Variants in SLC27A2 observed in about 807,000 individuals in gnomAD.
SLC27A2 encodes long-chain fatty acid transport protein 2.
SLC27A2 carries 54 observed loss-of-function variants against 60.0 expected under a neutral mutation model. The ratio of observed to expected loss-of-function variants is 0.90; its 90% CI spans 0.72 to 1.13. SLC27A2 has a LOEUF of 1.13. Among genes scored for constraint, SLC27A2 ranks in the 50% most tolerant of loss-of-function variants. The pLI is 0.00. For missense variants in SLC27A2, 739 were observed against 777.6 expected, an observed-to-expected ratio of 0.95 and a Z score of 0.59; for synonymous variants, 297 against 297.6, an observed-to-expected ratio of 1.00 and a Z score of 0.02.
At position 50,197,520 on chromosome 15, in the gene SLC27A2, G is replaced by C. The variant is rs1480371339; in HGVS notation, c.499G>C (p.Glu167Gln). Reference sequence around the variant, plus strand: ...TTAAGAACTACAAGCAGCTGTCGAAGAGATACTGCCAAGCCTTAAAAAAGA... The same window carrying C: ...TTAAGAACTACAAGCAGCTGTCGAACAGATACTGCCAAGCCTTAAAAAAGA... ...VSPELQAAVE[E>Q]ILPSLKKDDV... Residue 167 changes from glutamate (E) to glutamine (Q), a missense_variant, in exon 2 of 10, where the codon GAG becomes CAG. Transcript: ENST00000267842. The C allele has an allele frequency of 6.2e-7, 1 of 1,613,638 alleles. No individual in the cohort carries two copies. The highest frequency in any genetic ancestry group is 1.3e-5 in the African/African-American group (1 of 74,904).
At position 50,182,299 on chromosome 15, in the gene SLC27A2, C is replaced by A; in HGVS notation, c.-129C>A. ...GCTCTGTCTTCCCCTTCATCTCACG[C>A]GAGCCCGGCGTCCCGCCGCGTGCGC... On this transcript the variant is annotated 5_prime_UTR_variant, in exon 1 of 10. Coordinates refer to ENST00000267842, the MANE Select transcript of SLC27A2 (RefSeq NM_003645.4). 1 of 1,304,876 alleles carries A rather than the reference C, an allele frequency of 7.7e-7. No individual in the cohort carries two copies. The allele number at this position is 1,304,876 out of a possible 1,614,324, so 80.8% of individuals were successfully genotyped here. A position where few individuals can be genotyped will look rare whatever the true frequency, so the allele number is the denominator to read the frequency against.
At chr15:50,205,539 G>C (rs1462749476) in intron 4 of SLC27A2, among the ~76,000 whole-genome samples, 176 bp downstream of exon 4, 1 of 152,032 alleles carries the variant, frequency 6.6e-6, no homozygotes, top group African/African-American at 2.4e-5. Flanking sequence ...TTAGTAGGTG[G>C]GAGTTAATAT....
At chr15:50,185,431 G>T (rs779009907) in intron 1 of SLC27A2, among the ~76,000 whole-genome samples, 1 of 152,070 alleles carries the variant, frequency 6.6e-6, no homozygotes, top group African/African-American at 2.4e-5. Flanking sequence ...TCACAGAGTT[G>T]CATGTTTACT....
chr15:50,225,778 T>C (rs901566273), intron 5 of SLC27A2, among the ~76,000 whole-genome samples: 4 of 152,186 alleles, frequency 2.6e-5, no homozygotes, highest in African/African-American at 9.7e-5. Context: ...TAAGTCAGAA[T>C]AGTAGTTAAC....
intron 9 of SLC27A2, 64 bp from the exon 10 acceptor site, chr15:50,235,856 C>T: frequency 7.3e-7 from 1 of 1,373,628 alleles, no homozygotes; most frequent in Admixed American, 1.9e-5. Context: ...ACCCCTACCC[C>T]TTGCTCTGCA....
intron 4 of SLC27A2, among the ~76,000 whole-genome samples, chr15:50,216,287 A>G (rs1339227490): frequency 6.6e-6 from 1 of 152,098 alleles, no homozygotes; most frequent in Non-Finnish European, 1.5e-5. Flanking sequence ...GAATGGCCAT[A>G]ATCAAAAAAA....
chr15:50,234,258 C>A (rs1007373793), intron 9 of SLC27A2, among the ~76,000 whole-genome samples: 1 of 151,988 alleles, frequency 6.6e-6, no homozygotes, highest in Non-Finnish European at 1.5e-5. Context: ...CCAGCCTAGG[C>A]AACGTAGTGA....
chr15:50,193,798 G>T (rs191291853), intron 1 of SLC27A2, among the ~76,000 whole-genome samples: 1 of 151,982 alleles, frequency 6.6e-6, no homozygotes, highest in East Asian at 1.9e-4. Context: ...AGTTCTGGGG[G>T]TACAAAGATG....
At chr15:50,217,926 C>T (rs1247967943) in intron 4 of SLC27A2, among the ~76,000 whole-genome samples, 10 of 151,688 alleles carry the variant, frequency 6.6e-5, no homozygotes, top group African/African-American at 1.2e-4. Context: ...CGGTGGTGGG[C>T]GCCAGTAATC....
intron 1 of SLC27A2, among the ~76,000 whole-genome samples, chr15:50,193,460 T>C (rs766149595): frequency 1.3e-5 from 2 of 152,166 alleles, no homozygotes. Context: ...AGGGAGGGAA[T>C]GAGAATGGAT....
intron 7 of SLC27A2, 80 bp downstream of exon 7, chr15:50,227,258 T>G: frequency 4.7e-6 from 5 of 1,054,480 alleles, no homozygotes; most frequent in Non-Finnish European, 5.8e-6. Context: ...CATTCCACTT[T>G]GGTTATGGTG....
rs1013500224 is a variant in SLC27A2, at chr15:50,236,006, C to T, written c.1773C>T (p.Ala591=). The T allele has an allele frequency of 3.1e-6, 5 of 1,613,862 alleles. No individual in the cohort carries two copies. The African/African-American group carries it at 4.0e-5, about 13-fold the overall frequency. Residue 591 remains alanine, a synonymous_variant, in exon 10 of 10, where the codon GCC becomes GCT. Coordinates refer to ENST00000267842, the MANE Select transcript of SLC27A2 (RefSeq NM_003645.4). ...EGFNPAVIKD[A]LYFLDDTAKM... is the part of the protein sequence containing the mutation. ...TTAACCCTGCTGTCATCAAAGATGC[C>T]TTGTATTTCTTGGATGACACAGCAA... is the stretch of plus-strand genomic sequence containing the variant.
At chr15:50,221,582 G>A (rs1291409376) in intron 4 of SLC27A2, among the ~76,000 whole-genome samples, 1 of 152,174 alleles carries the variant, frequency 6.6e-6, no homozygotes, top group African/African-American at 2.4e-5. Flanking sequence ...CCCTTATAGT[G>A]CTTTTCAAAG....
At chr15:50,235,687 G>A (rs1169845833) in intron 9 of SLC27A2, among the ~76,000 whole-genome samples, 1 of 152,176 alleles carries the variant, frequency 6.6e-6, no homozygotes, top group South Asian at 2.1e-4. Flanking sequence ...ATTCCACGAT[G>A]TATATGTACT....
chr15:50,225,976 T>G lies in SLC27A2; in HGVS notation c.1168-12T>G, dbSNP rs1441545431. On this transcript the variant is annotated splice_polypyrimidine_tract_variant and intron_variant, in intron 5 of 9. Coordinates refer to ENST00000267842, the MANE Select transcript of SLC27A2 (RefSeq NM_003645.4). ...AAAAGATTTATACTCAAAATTATTT[T>G]AATCTTGCTAGAAAATCATAACTTA... 6.6e-7 allele frequency: 1 copy of G among 1,506,204 alleles called. No homozygotes were observed. 93.3% of individuals were successfully genotyped at this position (1,506,204 alleles called of 1,614,324 possible). A position where few individuals can be genotyped will look rare whatever the true frequency, so the allele number is the denominator to read the frequency against.
chr15:50,208,191 G>T (rs1012443816), intron 4 of SLC27A2, among the ~76,000 whole-genome samples: 15 of 152,166 alleles, frequency 9.9e-5, no homozygotes, highest in African/African-American at 3.6e-4. Flanking sequence ...AGGAGAATCT[G>T]GGGCCAGTGT....
Position 50,205,222 on chromosome 15 carries a change from C to A in SLC27A2, c.848-17C>A. The A allele has an allele frequency of 6.3e-7, 1 of 1,589,520 alleles. No individual in the cohort carries two copies. The highest frequency in any genetic ancestry group is 8.6e-7 in the Non-Finnish European group (1 of 1,163,960). On this transcript the variant is annotated splice_polypyrimidine_tract_variant and intron_variant, in intron 3 of 9. Transcript: ENST00000267842. Reference sequence around the variant, plus strand: ...TCCACCATTTCTTTCTTGACACTTTCTGTGCTTTCTCTGTAGGTGCTACTC... The same window carrying A: ...TCCACCATTTCTTTCTTGACACTTTATGTGCTTTCTCTGTAGGTGCTACTC...
intron 9 of SLC27A2, among the ~76,000 whole-genome samples, chr15:50,235,170 TA>T (rs1472525399): frequency 6.6e-6 from 1 of 152,200 alleles, no homozygotes; most frequent in African/African-American, 2.4e-5. Flanking sequence ...ATATTGTGTG[TA>T]TAGGATTATT....
At chr15:50,192,425 C>T (rs2044981458) in intron 1 of SLC27A2, among the ~76,000 whole-genome samples, 1 of 152,210 alleles carries the variant, frequency 6.6e-6, no homozygotes. Context: ...CAGCTGGGAA[C>T]ATGAATGAAG....
Sources: allele counts gnomAD v4.1 joint callset (sites outside exome capture counted in the v4.1 genomes callset), GRCh38; gene constraint gnomAD v4.1.1; transcripts MANE v1.5; gene names NCBI Gene and HGNC (gene_info 2026-07-23, HGNC 2026-07-21).